UTS2B: variants seen among roughly 807,000 people sequenced by gnomAD.
UTS2B encodes urotensin-2B.
A neutral mutation model predicts 19.2 loss-of-function variants in UTS2B; 21 were observed. The observed-to-expected ratio is 1.09, with a 90% confidence interval of 0.78 to 1.58. UTS2B has a LOEUF of 1.58. Ranked by LOEUF, UTS2B falls within the 40% of genes most tolerant of loss-of-function variation. The probability of loss-of-function intolerance (pLI) is 0.00; values close to 1 mark genes in which losing one functional copy is unlikely to be tolerated. For missense variants in UTS2B, 138 were observed against 130.3 expected (o/e 1.06, Z -0.29); for synonymous variants, 57 against 50.2 (o/e 1.14, Z -0.58).
rs181803471 is a variant in UTS2B, at chr3:191,274,750, T to G, written c.334+502A>C. Among the ~76,000 whole-genome samples, 159 of 152,208 alleles carry G rather than the reference T, an allele frequency of 1.0e-3. 1 individual carries two copies. In the South Asian group the frequency reaches 0.013, roughly 12 times the overall value. On this transcript the variant is annotated intron_variant, in intron 8 of 8. Coordinates refer to ENST00000340524, the MANE Select transcript of UTS2B (RefSeq NM_198152.5). ...ACATGAACAAAGAAACAGGAATACA[T>G]TTTTTTCAAAAATAAAAACAAAGTA...
At chr3:191,273,329 A>T (rs1156288651) in intron 8 of UTS2B, 7 of 378,336 alleles carry the variant, frequency 1.9e-5, no homozygotes, top group Non-Finnish European at 5.3e-6. Context: ...TAAAGGATAG[A>T]CTATGATAGA....
intron 4 of UTS2B, among the ~76,000 whole-genome samples, chr3:191,288,350 A>C (rs547804049): frequency 4.6e-5 from 7 of 152,326 alleles, no homozygotes; most frequent in Non-Finnish European, 7.4e-5. Context: ...CGCTGGAGGC[A>C]TCACATACAC....
intron 2 of UTS2B, among the ~76,000 whole-genome samples, chr3:191,323,161 A>ATTTAT (rs1441120402): frequency 5.5e-5 from 3 of 54,970 alleles, no homozygotes; most frequent in Non-Finnish European, 3.3e-5. Flanking sequence ...TTATTTATTT[A>ATTTAT]TTTTTGAGAC....
chr3:191,309,459 C>T (rs1717230885), intron 3 of UTS2B, among the ~76,000 whole-genome samples: 1 of 152,190 alleles, frequency 6.6e-6, no homozygotes, highest in Non-Finnish European at 1.5e-5. Context: ...AGGCGTGAGC[C>T]ACCTCGCCTG....
the UTS2B span, among the ~76,000 whole-genome samples, chr3:191,344,242 A>G: frequency 6.6e-6 from 1 of 152,206 alleles, no homozygotes; most frequent in Admixed American, 6.5e-5. Context: ...CCAGTTGTCT[A>G]AATTAGTTCT....
chr3:191,270,693 C>T (rs997363352), intron 8 of UTS2B, among the ~76,000 whole-genome samples: 9 of 152,140 alleles, frequency 5.9e-5, no homozygotes, highest in Admixed American at 4.6e-4. Flanking sequence ...ACCAAACAAT[C>T]CTTGGCAAGG....
At chr3:191,322,189 C>T (rs755893267) in intron 2 of UTS2B, among the ~76,000 whole-genome samples, 3 of 152,104 alleles carry the variant, frequency 2.0e-5, no homozygotes, top group Non-Finnish European at 4.4e-5. Flanking sequence ...GGTAGAGTTG[C>T]TAGCCCATAA....
intron 4 of UTS2B, among the ~76,000 whole-genome samples, chr3:191,302,629 C>T (rs189543651): frequency 4.1e-4 from 62 of 152,222 alleles, no homozygotes; most frequent in Non-Finnish European, 7.4e-4. Context: ...CTGAGCTGTT[C>T]GTTAAGTCCA....
At position 191,316,256 on chromosome 3, in the gene UTS2B, T is replaced by C. The variant is rs752599457; in HGVS notation, c.-402A>G. The C allele has an allele frequency of 1.3e-5, 2 of 152,824 alleles. No individual in the cohort carries two copies. The highest frequency in any genetic ancestry group is 2.4e-5 in the African/African-American group (1 of 41,472). The allele number at this position is 152,824 out of a possible 1,614,324, so 9.5% of individuals were successfully genotyped here. A position where few individuals can be genotyped will look rare whatever the true frequency, so the allele number is the denominator to read the frequency against. On this transcript the variant is annotated 5_prime_UTR_variant, in exon 3 of 9. Transcript: ENST00000340524. ...TTCTTGGTCTCACAGACTTAAAGAA[T>C]GAAGCCGCAGATCCTCGCAGTGAGT...
Position 191,291,359 on chromosome 3 carries a change from T to A in UTS2B, c.-124-9046A>T, listed in dbSNP as rs562677343. Among the ~76,000 whole-genome samples, 5 of 152,310 alleles carry A rather than the reference T, an allele frequency of 3.3e-5. No individual in the cohort carries two copies. The South Asian group carries it at 1.0e-3, about 32-fold the overall frequency. ...TTGTGTTTCTTGTTTTTGAGTACTA[T>A]AAGAAACTATTAGCTACTTGAAAGT... On this transcript the variant is annotated intron_variant, in intron 4 of 8. Coordinates refer to ENST00000340524, the MANE Select transcript of UTS2B (RefSeq NM_198152.5).
intron 4 of UTS2B, among the ~76,000 whole-genome samples, chr3:191,292,295 T>C (rs1240877045): frequency 2.0e-5 from 3 of 152,200 alleles, no homozygotes; most frequent in African/African-American, 7.2e-5. Flanking sequence ...GTTTTGTAAT[T>C]TTCAGTGAAC....
chr3:191,342,556 A>C, the UTS2B span, among the ~76,000 whole-genome samples: 2 of 152,290 alleles, frequency 1.3e-5, no homozygotes, highest in Admixed American at 6.5e-5. Context: ...GTAAACTTGT[A>C]CTTAAGCTGG....
At chr3:191,323,799 G>A (rs1717671610) in intron 2 of UTS2B, among the ~76,000 whole-genome samples, 1 of 152,146 alleles carries the variant, frequency 6.6e-6, no homozygotes, top group African/African-American at 2.4e-5. Context: ...ACAGATTATA[G>A]GTTCTTGTAT....
intron 5 of UTS2B, among the ~76,000 whole-genome samples, chr3:191,279,732 T>G (rs1236403742): frequency 6.6e-6 from 1 of 152,050 alleles, no homozygotes; most frequent in African/African-American, 2.4e-5. Context: ...CCTCAGAAAT[T>G]TCTTATCACT....
intron 2 of UTS2B, among the ~76,000 whole-genome samples, chr3:191,322,730 A>G (rs998413226): frequency 6.6e-6 from 1 of 152,218 alleles, no homozygotes; most frequent in Non-Finnish European, 1.5e-5. Flanking sequence ...TTTGGGAGTA[A>G]TATCTTTGAG....
At chr3:191,322,464 T>C (rs1220325292) in intron 2 of UTS2B, among the ~76,000 whole-genome samples, 3 of 152,216 alleles carry the variant, frequency 2.0e-5, no homozygotes, top group African/African-American at 7.2e-5. Flanking sequence ...TGGAAGTCAC[T>C]GCTAATGTTA....
At chr3:191,303,019 A>T (rs1350543858) in intron 4 of UTS2B, among the ~76,000 whole-genome samples, 1 of 152,226 alleles carries the variant, frequency 6.6e-6, no homozygotes, top group African/African-American at 2.4e-5. Flanking sequence ...GAAAGGAGAA[A>T]AAAGATTGAC....
intron 4 of UTS2B, among the ~76,000 whole-genome samples, chr3:191,283,870 C>T (rs1353916208): frequency 6.6e-6 from 1 of 152,080 alleles, no homozygotes; most frequent in Non-Finnish European, 1.5e-5. Context: ...TCAAATATAC[C>T]TTGATGATAT....
chr3:191,272,480 G>T (rs1168239625), intron 8 of UTS2B, among the ~76,000 whole-genome samples: 2 of 152,194 alleles, frequency 1.3e-5, no homozygotes, highest in Non-Finnish European at 2.9e-5. Context: ...TGTTGATTGC[G>T]ATTATCCTTT....
Sources: allele counts gnomAD v4.1 joint callset (sites outside exome capture counted in the v4.1 genomes callset), GRCh38; gene constraint gnomAD v4.1.1; transcripts MANE v1.5; gene names NCBI Gene and HGNC (gene_info 2026-07-23, HGNC 2026-07-21).